The following GFOD1 variants were observed in gnomAD, a reference collection of about 807,000 sequenced individuals.
GFOD1 encodes Gfo/Idh/MocA-like oxidoreductase domain containing 1.
In GFOD1, 9 loss-of-function variants were observed where a neutral mutation model predicts 25.4. The observed-to-expected ratio is 0.35, with a 90% CI of 0.21 to 0.62. GFOD1 has a LOEUF of 0.62. Ranked by LOEUF, GFOD1 falls within the 20% of genes least tolerant of loss-of-function variation. The pLI is 0.72. For synonymous variants in GFOD1, 253 were observed against 245.6 expected, an observed-to-expected ratio of 1.03 and a Z score of -0.28; for missense variants, 403 against 556.9, an observed-to-expected ratio of 0.72 and a Z score of 2.78.
chr6:13,447,802 G>GA (rs1452117536), intron 1 of GFOD1, among the ~76,000 whole-genome samples: 1 of 145,252 alleles, frequency 6.9e-6, no homozygotes, highest in Non-Finnish European at 1.5e-5. Context: ...AGTCATTAGG[G>GA]AAAAGGCATC....
chr6:13,391,511 C>CAAAAAAAAAAAAAAAAAAGAAAA (rs1785610484), intron 1 of GFOD1, among the ~76,000 whole-genome samples: 1 of 108,684 alleles, frequency 9.2e-6, no homozygotes, highest in Non-Finnish European at 1.8e-5. Context: ...AACAAACAAA[C>CAAAAAAAAAAAAAAAAAAGAAAA]AAAAAAAAAA....
Position 13,422,304 on chromosome 6 carries a change from G to A in GFOD1, c.254-56642C>T, listed in dbSNP as rs991718796. ...ACCCTAAAACACATGCTGTCCGAACGGATTCTCAGGAGAGAAAATCTGACT... is the reference window on the plus strand; with the variant it reads ...ACCCTAAAACACATGCTGTCCGAACAGATTCTCAGGAGAGAAAATCTGACT... On this transcript the variant is annotated intron_variant, in intron 1 of 1. Coordinates refer to ENST00000379287, the MANE Select transcript of GFOD1 (RefSeq NM_018988.4). 2.0e-5 allele frequency among the ~76,000 whole-genome samples: 3 copies of A among 152,142 alleles called. No homozygotes were observed. In the South Asian group the frequency reaches 6.2e-4, roughly 31 times the overall value.
At chr6:13,386,443 C>T (rs574996127) in intron 1 of GFOD1, among the ~76,000 whole-genome samples, 4 of 152,298 alleles carry the variant, frequency 2.6e-5, no homozygotes, top group East Asian at 1.9e-4. Context: ...GGAGGACATG[C>T]GGCTGTCCCT....
chr6:13,367,489 G>T (rs959099382), intron 1 of GFOD1, among the ~76,000 whole-genome samples: 1 of 152,200 alleles, frequency 6.6e-6, no homozygotes, highest in Non-Finnish European at 1.5e-5. Flanking sequence ...CTGCTTCAGG[G>T]TGGGGTATGT....
chr6:13,483,962 T>C (rs1758811182), intron 1 of GFOD1, among the ~76,000 whole-genome samples: 1 of 152,222 alleles, frequency 6.6e-6, no homozygotes, highest in South Asian at 2.1e-4. Context: ...GCATACAGTA[T>C]GTACTTAATA....
intron 1 of GFOD1, among the ~76,000 whole-genome samples, chr6:13,485,342 A>G (rs1758841056): frequency 6.6e-6 from 1 of 152,272 alleles, no homozygotes; most frequent in South Asian, 2.1e-4. Context: ...TTTAACAAAT[A>G]AAACAGTCTT....
chr6:13,431,460 A>T (rs563321799), intron 1 of GFOD1, among the ~76,000 whole-genome samples: 4 of 152,174 alleles, frequency 2.6e-5, no homozygotes, highest in Non-Finnish European at 4.4e-5. Flanking sequence ...CCGCACTTTC[A>T]CACAGGTTCA....
chr6:13,486,474 G>T, intron 1 of GFOD1, 164 bp downstream of exon 1: 1 of 658,466 alleles, frequency 1.5e-6, no homozygotes, highest in Non-Finnish European at 2.6e-6. Flanking sequence ...CCGGGGACGA[G>T]GAAGGAGGGA....
intron 1 of GFOD1, among the ~76,000 whole-genome samples, chr6:13,481,556 C>G (rs1480355277): frequency 1.2e-5 from 1 of 81,864 alleles, no homozygotes; most frequent in Admixed American, 1.7e-4. Context: ...AGAGTGATAC[C>G]TTACACACAC....
At position 13,487,226 on chromosome 6, in the gene GFOD1, C is replaced by A. The variant is rs62385807; in HGVS notation, c.-336G>T. 22,575 of 256,132 alleles carry A rather than the reference C, an allele frequency of 0.088. 1,186 individuals carry two copies. Among genetic ancestry groups the A allele is most frequent in the East Asian group, 0.21 (2,892 of 13,514 alleles). The allele number at this position is 256,132 out of a possible 1,614,324, so 15.9% of individuals were successfully genotyped here. A position where few individuals can be genotyped will look rare whatever the true frequency, so the allele number is the denominator to read the frequency against. ...GCTGCGCTCCCGCGGCAGCGCCAGT[C>A]CGCTGCGTGCGCCCCGCCAAGGCCG... On this transcript the variant is annotated 5_prime_UTR_variant, in exon 1 of 2. Coordinates refer to ENST00000379287, the MANE Select transcript of GFOD1 (RefSeq NM_018988.4). The surrounding 1 kb of genome is among the most constrained non-coding windows in gnomAD (Gnocchi z 4.9).
intron 1 of GFOD1, among the ~76,000 whole-genome samples, chr6:13,419,429 A>T (rs1299143463): frequency 6.6e-6 from 1 of 152,136 alleles, no homozygotes; most frequent in South Asian, 2.1e-4. Context: ...CTCACTCTCC[A>T]CAGAGACCGC....
chr6:13,386,355 C>A (rs1283987583), intron 1 of GFOD1, among the ~76,000 whole-genome samples: 1 of 152,128 alleles, frequency 6.6e-6, no homozygotes, highest in East Asian at 1.9e-4. Context: ...TACACCTGTG[C>A]ACTAGATACA....
chr6:13,481,362 C>T (rs1758747521), intron 1 of GFOD1, among the ~76,000 whole-genome samples: 1 of 152,202 alleles, frequency 6.6e-6, no homozygotes, highest in African/African-American at 2.4e-5. Context: ...GGCCAAGAGT[C>T]AGGAAAGAGA....
intron 1 of GFOD1, among the ~76,000 whole-genome samples, chr6:13,445,148 G>A (rs1006731657): frequency 7.9e-5 from 12 of 152,294 alleles, no homozygotes; most frequent in African/African-American, 1.9e-4. Flanking sequence ...AGCCACAGGC[G>A]CCGAGGCTGA....
intron 1 of GFOD1, among the ~76,000 whole-genome samples, chr6:13,477,216 G>GGGGT (rs1554206438): frequency 3.6e-5 from 5 of 140,770 alleles, no homozygotes; most frequent in African/African-American, 1.3e-4. Flanking sequence ...ACCAATAGGG[G>GGGGT]GTGTGTGTGT....
chr6:13,399,745 G>C (rs1341808195), intron 1 of GFOD1, among the ~76,000 whole-genome samples: 1 of 152,194 alleles, frequency 6.6e-6, no homozygotes, highest in Non-Finnish European at 1.5e-5. Flanking sequence ...TGGGAGGGTA[G>C]AGAATGCACC....
intron 1 of GFOD1, among the ~76,000 whole-genome samples, chr6:13,397,642 G>A (rs1294022991): frequency 6.6e-6 from 1 of 152,220 alleles, no homozygotes; most frequent in Non-Finnish European, 1.5e-5. Context: ...AGAAGCCAAT[G>A]CAAAACAGGA....
chr6:13,433,188 C>T (rs1455361609), intron 1 of GFOD1, among the ~76,000 whole-genome samples: 4 of 148,298 alleles, frequency 2.7e-5, no homozygotes, highest in African/African-American at 9.9e-5. Context: ...GGCACAATCT[C>T]AGCTCACTGC....
intron 1 of GFOD1, among the ~76,000 whole-genome samples, chr6:13,415,192 C>T (rs1267586572): frequency 6.6e-6 from 1 of 152,130 alleles, no homozygotes; most frequent in Admixed American, 6.6e-5. Context: ...GACTAGACAC[C>T]AACACCTAAC....
Sources: gnomAD v4.1 joint callset for allele counts (sites outside exome capture counted in the v4.1 genomes callset) on GRCh38, gnomAD v4.1.1 for gene constraint, Gnocchi (gnomAD v3.1) non-coding constraint, MANE v1.5 for transcripts, NCBI Gene and HGNC (gene_info 2026-07-23, HGNC 2026-07-21) for gene names.